PMS2: variants seen among roughly 807,000 people sequenced by gnomAD.
The protein encoded by PMS2 is mismatch repair endonuclease PMS2.
PMS2 carries 69 observed loss-of-function variants against 90.0 expected under a neutral mutation model. The ratio of observed to expected loss-of-function variants is 0.77; its 90% confidence interval spans 0.63 to 0.94. PMS2 has a LOEUF of 0.94. Ranked by LOEUF, PMS2 falls within the 40% of genes least tolerant of loss-of-function variation. The probability of loss-of-function intolerance (pLI) is 0.00; values close to 1 mark genes in which losing one functional copy is unlikely to be tolerated. For synonymous variants in PMS2, 332 were observed against 375.1 expected (o/e 0.89, Z 1.33); for missense variants, 966 against 1,040.2 (o/e 0.93, Z 0.98).
rs1302017336 is a variant in PMS2, at chr7:5,999,056, C to T, written c.705+52G>A. ...TCTACTGGAAGGGACAATGGAAACCCGCTATAATCACTAGAGCAATAAGAG... is the reference window on the plus strand; with the variant it reads ...TCTACTGGAAGGGACAATGGAAACCTGCTATAATCACTAGAGCAATAAGAG... On this transcript the variant is annotated intron_variant, in intron 6 of 14. Coordinates refer to ENST00000265849, the MANE Select transcript of PMS2 (RefSeq NM_000535.7). 20 of 1,541,358 alleles carry T rather than the reference C, an allele frequency of 1.3e-5. No homozygotes were observed. In the East Asian group the frequency reaches 2.9e-4, roughly 22 times the overall value.
At chr7:5,995,690 C>G (rs1784325399) in intron 7 of PMS2, 57 bp from the exon 8 acceptor site, 1 of 1,136,560 alleles carries the variant, frequency 8.8e-7, no homozygotes, top group Middle Eastern at 1.9e-4. Context: ...ATTAGAAATA[C>G]GATCACATGG....
chr7:6,002,653 G>A lies in PMS2; in HGVS notation c.354-17C>T, dbSNP rs2128819671. 10 of 1,601,660 alleles carry A rather than the reference G, an allele frequency of 6.2e-6. No homozygotes were observed. The highest frequency in any genetic ancestry group is 8.5e-6 in the Non-Finnish European group (10 of 1,170,434). On this transcript the variant is annotated splice_polypyrimidine_tract_variant and intron_variant, in intron 4 of 14. Coordinates refer to ENST00000265849, the MANE Select transcript of PMS2 (RefSeq NM_000535.7). ...GTGACATCGCTGTGAGAGAATACCA[G>A]GCATGGTGTGTTCAGTGAGAGACCC... is the stretch of plus-strand genomic sequence containing the variant.
rs1057523469 is a variant in PMS2 at position 5,987,034 on chromosome 7, C to T, written c.1731G>A (p.Lys577=). Residue 577 remains lysine (K), a synonymous_variant, in exon 11 of 15, where the codon AAG becomes AAA. Coordinates refer to ENST00000265849, the MANE Select transcript of PMS2 (RefSeq NM_000535.7). ...QPTNLATPNT[K]RFKKEEILSS... ...AAAGAATTTCTTCTTTTTTAAAACG[C>T]TTTGTGTTTGGGGTTGCGAGATTAG... 2 of 1,614,104 alleles carry T rather than the reference C, an allele frequency of 1.2e-6. No individual in the cohort carries two copies. Among genetic ancestry groups the T allele is most frequent in the Non-Finnish European group, 1.7e-6 (2 of 1,180,038 alleles).
intron 1 of PMS2, among the ~76,000 whole-genome samples, chr7:6,008,539 C>T (rs1786144354): frequency 6.6e-6 from 1 of 152,072 alleles, no homozygotes; most frequent in Admixed American, 6.6e-5. Flanking sequence ...TGCTTGAGCT[C>T]AGGCGTTCGA....
intron 11 of PMS2, among the ~76,000 whole-genome samples, 189 bp from the exon 12 acceptor site, chr7:5,983,180 T>A (rs556153660): frequency 2.6e-5 from 4 of 151,838 alleles, no homozygotes; most frequent in Admixed American, 1.3e-4. Context: ...TGGCACAATC[T>A]TGGCTCACTG....
At chr7:5,983,507 T>C (rs1182996841) in intron 11 of PMS2, among the ~76,000 whole-genome samples, 1 of 151,860 alleles carries the variant, frequency 6.6e-6, no homozygotes, top group African/African-American at 2.4e-5. Context: ...ATGGAATATA[T>C]CCTTCTAGAC....
At chr7:6,007,094 AT>A (rs1440286100) in intron 1 of PMS2, among the ~76,000 whole-genome samples, 1 of 146,816 alleles carries the variant, frequency 6.8e-6, no homozygotes, top group Non-Finnish European at 1.5e-5. Context: ...CTACATTATT[AT>A]TATTATTATT....
intron 13 of PMS2, 143 bp from the exon 14 acceptor site, chr7:5,977,900 A>C: frequency 7.5e-7 from 1 of 1,324,538 alleles, no homozygotes. Flanking sequence ...CCAGCGGATC[A>C]TGAGGTCAGG....
chr7:5,978,518 G>A (rs920062802), intron 13 of PMS2, 78 bp downstream of exon 13: 27 of 1,306,320 alleles, frequency 2.1e-5, no homozygotes, highest in African/African-American at 4.4e-5. Context: ...CGATCTGCCC[G>A]CCTTGGCCTC....
At chr7:6,004,862 G>C (rs1785537088) in intron 2 of PMS2, among the ~76,000 whole-genome samples, 1 of 152,018 alleles carries the variant, frequency 6.6e-6, no homozygotes. Context: ...ATCTCATAAA[G>C]TTATTCTGCA....
At position 6,006,031 on chromosome 7, in the gene PMS2, A is replaced by G. The variant is rs1554306620; in HGVS notation, c.24T>C (p.Ser8=). 6.2e-7 allele frequency: 1 copy of G among 1,610,692 alleles called. No homozygotes were observed. ...GTTTGATGGCCTTAGCAGGTTCTGT[A>G]CTAGAGAAATCAGTTACAAGAAACA... is the stretch of plus-strand genomic sequence containing the variant. MERAESS[S]TEPAKAIKPI... is the part of the protein sequence containing the mutation. Residue 8 remains serine, a splice_region_variant and synonymous_variant, in exon 2 of 15, where the codon AGT becomes AGC. Coordinates refer to ENST00000265849, the MANE Select transcript of PMS2 (RefSeq NM_000535.7).
At chr7:5,995,884 G>A (rs577204758) in intron 7 of PMS2, among the ~76,000 whole-genome samples, 1 of 152,170 alleles carries the variant, frequency 6.6e-6, no homozygotes, top group Non-Finnish European at 1.5e-5. Flanking sequence ...GTCCAAAACT[G>A]ATGTGTTGCA....
At position 5,999,227 on chromosome 7, in the gene PMS2, C is replaced by G. The variant is rs1784818316; in HGVS notation, c.586G>C (p.Ala196Pro). The G allele has an allele frequency of 6.2e-7, 1 of 1,614,034 alleles. No homozygotes were observed. The highest frequency in any genetic ancestry group is 8.5e-7 in the Non-Finnish European group (1 of 1,179,988). The change falls in exon 6 of 15, where the codon GCA becomes CCA. Residue 196 changes from alanine to proline, a missense_variant. Physicochemically the swap from Ala to Pro is conservative, Grantham distance 27. Transcript: ENST00000265849. The stretch of plus-strand genomic sequence containing the variant: ...TTGGTGCAACTTACACGGATGCCTG[C>G]TGAAATGATACAGTATGCATGTAAG... ...QVLHAYCIIS[A>P]GIRVSCTNQL... is the part of the protein sequence containing the mutation.
At chr7:5,990,904 A>G (rs1156239396) in intron 9 of PMS2, among the ~76,000 whole-genome samples, 3 of 152,090 alleles carry the variant, frequency 2.0e-5, no homozygotes, top group South Asian at 4.1e-4. Context: ...AATCCGTGCT[A>G]CTCAGGAGGC....
chr7:5,979,523 CTTCT>C (rs1262766137), intron 12 of PMS2, among the ~76,000 whole-genome samples: 1 of 150,092 alleles, frequency 6.7e-6, no homozygotes, highest in Non-Finnish European at 1.5e-5. Flanking sequence ...ATTTTTCCTC[CTTCT>C]AATACAGAAT....
chr7:5,973,569 G>A lies in PMS2; in HGVS notation c.2446-27C>T, dbSNP rs761914441. ...TGAGTGTGAGACACAATGGTTCAACGTTTTAGTAGTTTTTTGACGTCAGAA... is the reference window on the plus strand; with the variant it reads ...TGAGTGTGAGACACAATGGTTCAACATTTTAGTAGTTTTTTGACGTCAGAA... On this transcript the variant is annotated intron_variant, in intron 14 of 14. Coordinates refer to ENST00000265849, the MANE Select transcript of PMS2 (RefSeq NM_000535.7). 16 of 452,986 alleles carry A rather than the reference G, an allele frequency of 3.5e-5. 1 individual carries two copies. The highest frequency in any genetic ancestry group is 3.4e-4 in the African/African-American group (9 of 26,296). The allele number at this position is 452,986 out of a possible 1,614,324, so 28.1% of individuals were successfully genotyped here.
chr7:5,979,576 C>A (rs1400422876), intron 12 of PMS2, among the ~76,000 whole-genome samples: 1 of 148,916 alleles, frequency 6.7e-6, no homozygotes, highest in African/African-American at 2.5e-5. Flanking sequence ...CATTTGTAAA[C>A]AGAATGAACA....
At chr7:5,999,400 A>T (rs1363668883) in intron 5 of PMS2, 125 bp from the exon 6 acceptor site, 2 of 865,398 alleles carry the variant, frequency 2.3e-6, no homozygotes, top group South Asian at 1.4e-5. Context: ...AGCACTGTTG[A>T]CAGAATGATC....
intron 1 of PMS2, among the ~76,000 whole-genome samples, chr7:6,006,469 C>T (rs71541534): frequency 3.9e-5 from 6 of 151,946 alleles, no homozygotes; most frequent in African/African-American, 7.3e-5. Context: ...CTGGCCAACA[C>T]GGTGAAACCC....
Sources: allele counts gnomAD v4.1 joint callset (sites outside exome capture counted in the v4.1 genomes callset), GRCh38; gene constraint gnomAD v4.1.1; transcripts MANE v1.5; gene names NCBI Gene and HGNC (gene_info 2026-07-23, HGNC 2026-07-21).